Variants in CYLD observed in about 807,000 individuals in gnomAD.
CYLD encodes CYLD lysine 63 deubiquitinase, also known as ubiquitin carboxyl-terminal hydrolase CYLD.
CYLD carries 26 observed loss-of-function variants against 104.5 expected under a neutral mutation model. The ratio of observed to expected loss-of-function variants is 0.25; its 90% CI spans 0.18 to 0.35. CYLD has a LOEUF of 0.35. Ranked by LOEUF, CYLD falls within the 10% of genes least tolerant of loss-of-function variation. The probability of loss-of-function intolerance (pLI) is 1.00; values close to 1 mark genes in which losing one functional copy is unlikely to be tolerated. For synonymous variants in CYLD, 385 were observed against 399.9 expected (o/e 0.96, Z 0.45); for missense variants, 703 against 1,136.1 (o/e 0.62, Z 5.48).
chr16:50,779,322 TTAGA>T (rs1969985146), intron 8 of CYLD, among the ~76,000 whole-genome samples: 1 of 152,212 alleles, frequency 6.6e-6, no homozygotes, highest in South Asian at 2.1e-4. Context: ...TTTTGATCCA[TTAGA>T]TATATAGAAG....
At chr16:50,786,296 TA>T (rs1318825722) in intron 12 of CYLD, 1 of 152,268 alleles carries the variant, frequency 6.6e-6, no homozygotes, top group African/African-American at 2.4e-5. Context: ...ACAGCAAACC[TA>T]AAAATTTTTT....
intron 12 of CYLD, chr16:50,786,391 C>A (rs1970820406): frequency 6.2e-6 from 1 of 160,320 alleles, no homozygotes; most frequent in African/African-American, 2.4e-5. Context: ...TTGCAAACTT[C>A]AAGAAGAAGC....
intron 3 of CYLD, among the ~76,000 whole-genome samples, chr16:50,750,685 A>T (rs1284261339): frequency 3.3e-5 from 5 of 152,222 alleles, no homozygotes; most frequent in Admixed American, 2.6e-4. Flanking sequence ...TGGCTATTGC[A>T]GACATATATA....
chr16:50,778,050 A>G (rs1349412654), intron 8 of CYLD, 109 bp downstream of exon 8: 1 of 694,230 alleles, frequency 1.4e-6, no homozygotes, highest in Admixed American at 2.2e-5. Context: ...GAATAAGTAG[A>G]CCGCTCTTTG....
intron 2 of CYLD, among the ~76,000 whole-genome samples, chr16:50,748,503 G>A (rs992352979): frequency 1.2e-4 from 18 of 151,846 alleles, no homozygotes; most frequent in African/African-American, 4.8e-5. Flanking sequence ...AGCTATGATC[G>A]CACCAATGTA....
intron 18 of CYLD, among the ~76,000 whole-genome samples, chr16:50,795,271 C>T (rs1448091789): frequency 6.6e-6 from 1 of 152,038 alleles, no homozygotes; most frequent in East Asian, 1.9e-4. Flanking sequence ...AAGTAAACAT[C>T]CTTTTCAGAA....
At chr16:50,776,333 A>G (rs1483302332) in intron 7 of CYLD, 56 bp downstream of exon 7, 3 of 1,224,780 alleles carry the variant, frequency 2.4e-6, no homozygotes, top group East Asian at 2.3e-5. Flanking sequence ...AACTTGCCAT[A>G]GCATTAAAAA....
chr16:50,787,504 C>T (rs749702913), intron 13 of CYLD: 2 of 362,480 alleles, frequency 5.5e-6, no homozygotes, highest in African/African-American at 4.2e-5. Context: ...TACCTTAACC[C>T]CTCCAAAGGA....
chr16:50,765,994 A>G (rs981283988), intron 5 of CYLD, among the ~76,000 whole-genome samples: 2 of 152,262 alleles, frequency 1.3e-5, no homozygotes, highest in Non-Finnish European at 2.9e-5. Flanking sequence ...AACTGCTGCA[A>G]GTTATCAGAA....
At chr16:50,750,271 C>T (rs959917748) in intron 3 of CYLD, 69 bp downstream of exon 3, 6 of 1,535,214 alleles carry the variant, frequency 3.9e-6, no homozygotes, top group Non-Finnish European at 5.4e-6. Context: ...TTTGTATGCA[C>T]ATACATATTT....
In CYLD at chr16:50,798,201, T is replaced by A. The variant is rs1597102587; in HGVS notation, c.*1693T>A. The stretch of plus-strand genomic sequence containing the variant: ...GTGAATGAGCTTGTCAATGTGATTT[T>A]AAAAAATTGACTACCTGGAGGAATG... On this transcript the variant is annotated 3_prime_UTR_variant, in exon 19 of 19. Coordinates refer to ENST00000427738, the MANE Select transcript of CYLD (RefSeq NM_001378743.1). 3 of 232,208 alleles carry A rather than the reference T, an allele frequency of 1.3e-5. No homozygotes were observed. The highest frequency in any genetic ancestry group is 2.6e-5 in the Non-Finnish European group (3 of 117,330). 14.4% of individuals were successfully genotyped at this position (232,208 alleles called of 1,614,324 possible).
intron 5 of CYLD, among the ~76,000 whole-genome samples, chr16:50,770,536 C>T (rs1969034020): frequency 6.6e-6 from 1 of 151,398 alleles, no homozygotes; most frequent in South Asian, 2.1e-4. Context: ...CTGTAACCTC[C>T]ACCTCCTGGG....
intron 3 of CYLD, among the ~76,000 whole-genome samples, chr16:50,750,465 CTG>C (rs1249183317): frequency 6.6e-6 from 1 of 152,270 alleles, no homozygotes; most frequent in African/African-American, 2.4e-5. Flanking sequence ...CCCAAGAACT[CTG>C]TGATATGTTT....
At chr16:50,751,502 G>T in intron 3 of CYLD, 102 bp from the exon 4 acceptor site, 1 of 945,638 alleles carries the variant, frequency 1.1e-6, no homozygotes, top group Non-Finnish European at 1.6e-6. Flanking sequence ...GTATCATTTA[G>T]AAATTTTCCA....
At position 50,796,783 on chromosome 16, in the gene CYLD, TG is replaced by T; in HGVS notation, c.*276del. 1 of 444,320 alleles carries T rather than the reference TG, an allele frequency of 2.3e-6. No homozygotes were observed. Among genetic ancestry groups the T allele is most frequent in the Non-Finnish European group, 4.1e-6 (1 of 241,540 alleles). 27.5% of individuals were successfully genotyped at this position (444,320 alleles called of 1,614,324 possible). ...ACCTGAAGCTTTAAGTTAAGTGCAT[TG>T]ATCATATGATATTTTTGGAAGCATA... On this transcript the variant is annotated 3_prime_UTR_variant, in exon 19 of 19. Transcript: ENST00000427738.
intron 6 of CYLD, among the ~76,000 whole-genome samples, chr16:50,775,535 T>C (rs1402766197): frequency 1.2e-4 from 18 of 152,236 alleles, no homozygotes; most frequent in Admixed American, 1.1e-3. Context: ...AAAACAGATA[T>C]ATGTTCTTAA....
intron 2 of CYLD, among the ~76,000 whole-genome samples, chr16:50,744,468 C>T (rs906949197): frequency 2.0e-5 from 3 of 152,184 alleles, no homozygotes; most frequent in African/African-American, 7.2e-5. Context: ...CTTCCTACCT[C>T]TTTGCCATTT....
At chr16:50,786,457 G>T in intron 12 of CYLD, 1 of 179,638 alleles carries the variant, frequency 5.6e-6, no homozygotes, top group Non-Finnish European at 1.2e-5. Context: ...TGACATACTG[G>T]AGTTGTATAA....
rs1249238772 is a variant in CYLD, at chr16:50,799,706, C to T, written c.*3198C>T. 7 of 233,298 alleles carry T rather than the reference C, an allele frequency of 3.0e-5. No homozygotes were observed. In the East Asian group the frequency reaches 3.6e-4, roughly 12 times the overall value. The allele number at this position is 233,298 out of a possible 1,614,324, so 14.5% of individuals were successfully genotyped here. On this transcript the variant is annotated 3_prime_UTR_variant, in exon 19 of 19. Coordinates refer to ENST00000427738, the MANE Select transcript of CYLD (RefSeq NM_001378743.1). The stretch of plus-strand genomic sequence containing the variant: ...AATCTTATAGAACTGTGTTGTCACC[C>T]AAATTCCTGCTTGTTTGAACATGGC...
Sources: allele counts gnomAD v4.1 joint callset (sites outside exome capture counted in the v4.1 genomes callset), GRCh38; gene constraint gnomAD v4.1.1; transcripts MANE v1.5; gene names NCBI Gene and HGNC (gene_info 2026-07-23, HGNC 2026-07-21).